RNF180: variants seen among roughly 807,000 people sequenced by gnomAD.
RNF180 encodes ring finger protein 180, also known as E3 ubiquitin-protein ligase RNF180.
RNF180 carries 38 observed loss-of-function variants against 59.2 expected under a neutral mutation model. That is an observed-to-expected ratio of 0.64 (90% CI 0.50 to 0.84). RNF180 has a LOEUF of 0.84. Ranked by LOEUF, RNF180 falls within the 40% of genes least tolerant of loss-of-function variation. The probability of loss-of-function intolerance (pLI) is 0.00; values close to 1 mark genes in which losing one functional copy is unlikely to be tolerated. For synonymous variants in RNF180, 262 were observed against 240.3 expected (o/e 1.09, Z -0.84); for missense variants, 705 against 700.9 (o/e 1.01, Z -0.07).
chr5:64,169,645 C>G (rs1000675911), intron 1 of RNF180, among the ~76,000 whole-genome samples: 1 of 152,140 alleles, frequency 6.6e-6, no homozygotes, highest in Admixed American at 6.5e-5. Flanking sequence ...AACCAAGTAG[C>G]CTGTTTAATT....
chr5:64,236,622 A>G (rs1226344034), intron 5 of RNF180, among the ~76,000 whole-genome samples: 2 of 152,168 alleles, frequency 1.3e-5, no homozygotes, highest in East Asian at 1.9e-4. Flanking sequence ...ACAATGAGGA[A>G]AATATCTCCA....
At chr5:64,306,629 G>T (rs1743475859) in intron 5 of RNF180, among the ~76,000 whole-genome samples, 1 of 151,710 alleles carries the variant, frequency 6.6e-6, no homozygotes, top group African/African-American at 2.4e-5. Context: ...ACACACCATG[G>T]AATGCTATGC....
chr5:64,209,734 T>TTTGTCAA (rs1752206163), intron 2 of RNF180, among the ~76,000 whole-genome samples: 1 of 152,110 alleles, frequency 6.6e-6, no homozygotes, highest in South Asian at 2.1e-4. Flanking sequence ...GATTACTTCA[T>TTTGTCAA]TTGTCAATTC....
At chr5:64,192,593 AC>A (rs1751214599) in intron 1 of RNF180, among the ~76,000 whole-genome samples, 1 of 151,866 alleles carries the variant, frequency 6.6e-6, no homozygotes, top group African/African-American at 2.4e-5. Flanking sequence ...AATCACTTGA[AC>A]CCAGGAAGCG....
At chr5:64,285,078 A>G (rs1438509387) in intron 5 of RNF180, among the ~76,000 whole-genome samples, 1 of 152,162 alleles carries the variant, frequency 6.6e-6, no homozygotes, top group Non-Finnish European at 1.5e-5. Flanking sequence ...GGAAGATTTC[A>G]CAGAACCAAG....
At chr5:64,341,233 A>G (rs576313905) in intron 7 of RNF180, among the ~76,000 whole-genome samples, 34 of 152,328 alleles carry the variant, frequency 2.2e-4, no homozygotes, top group African/African-American at 6.5e-4. Context: ...ACCTTGGCCC[A>G]GAGCTCACAA....
At chr5:64,337,972 G>A (rs1745202054) in intron 7 of RNF180, among the ~76,000 whole-genome samples, 1 of 152,134 alleles carries the variant, frequency 6.6e-6, no homozygotes, top group Non-Finnish European at 1.5e-5. Flanking sequence ...ACATACGTAT[G>A]CATGTGTCTT....
chr5:64,211,704 G>A (rs1752321642), intron 2 of RNF180, among the ~76,000 whole-genome samples: 2 of 152,142 alleles, frequency 1.3e-5, no homozygotes, highest in South Asian at 4.1e-4. Flanking sequence ...AATTCAGATA[G>A]AATAGAGATT....
At chr5:64,201,669 C>T (rs1226284724) in intron 2 of RNF180, among the ~76,000 whole-genome samples, 1 of 152,166 alleles carries the variant, frequency 6.6e-6, no homozygotes, top group Non-Finnish European at 1.5e-5. Context: ...ATGATGGTTT[C>T]CCTTCCACTT....
intron 5 of RNF180, among the ~76,000 whole-genome samples, chr5:64,245,094 A>G (rs377161824): frequency 6.6e-6 from 1 of 152,230 alleles, no homozygotes; most frequent in Non-Finnish European, 1.5e-5. Context: ...AGGAAGCACT[A>G]AATATCGAAT....
At chr5:64,267,491 A>G (rs982539589) in intron 5 of RNF180, among the ~76,000 whole-genome samples, 20 of 151,938 alleles carry the variant, frequency 1.3e-4, no homozygotes, top group African/African-American at 3.1e-4. Context: ...TCCCAATGCT[A>G]TCCCTCCCCA....
At chr5:64,245,898 G>A (rs1285374323) in intron 5 of RNF180, among the ~76,000 whole-genome samples, 1 of 152,070 alleles carries the variant, frequency 6.6e-6, no homozygotes, top group Non-Finnish European at 1.5e-5. Flanking sequence ...GCAAAATAAT[G>A]GAAATCATAA....
In RNF180 at chr5:64,360,366, C is replaced by G. The variant is rs566399961; in HGVS notation, c.1580-9249C>G. Among the ~76,000 whole-genome samples, 273 of 151,794 alleles carry G rather than the reference C, an allele frequency of 1.8e-3. 1 individual carries two copies. Among genetic ancestry groups the G allele is most frequent in the Non-Finnish European group, 3.2e-3 (217 of 67,804 alleles). On this transcript the variant is annotated intron_variant, in intron 7 of 7. Coordinates refer to ENST00000389100, the MANE Select transcript of RNF180 (RefSeq NM_001113561.2). ...AAAGCCTTTGACAAAATTCAACAAC[C>G]CTTCATGCTAAAAACTCTCAATAAA...
At chr5:64,244,455 A>G (rs1228430184) in intron 5 of RNF180, among the ~76,000 whole-genome samples, 2 of 152,218 alleles carry the variant, frequency 1.3e-5, no homozygotes, top group African/African-American at 2.4e-5. Context: ...ACAAGTATCA[A>G]TAGCCAAATC....
chr5:64,214,102 A>G lies in RNF180; in HGVS notation c.776A>G (p.Asn259Ser), dbSNP rs374465219. ...AAGACTACTGCCTATTCCAGACTAA[A>G]TGAAACACAGCCTATTGACCTTTCA... Reference protein sequence around the residue: ...HSKTTAYSRLNETQPIDLSGL... With the variant: ...HSKTTAYSRLSETQPIDLSGL... Residue 259 changes from asparagine to serine, a missense_variant, in exon 4 of 8, where the codon AAT (asparagine) becomes AGT (serine). Physicochemically the swap from Asn to Ser is conservative, Grantham distance 46 (BLOSUM62 1). Coordinates refer to ENST00000389100, the MANE Select transcript of RNF180 (RefSeq NM_001113561.2). The G allele has an allele frequency of 2.2e-5, 35 of 1,613,956 alleles. No homozygotes were observed. The highest frequency in any genetic ancestry group is 5.3e-5 in the African/African-American group (4 of 74,924).
chr5:64,279,028 T>C (rs1741867870), intron 5 of RNF180, among the ~76,000 whole-genome samples: 1 of 152,116 alleles, frequency 6.6e-6, no homozygotes, highest in Non-Finnish European at 1.5e-5. Flanking sequence ...GAAACCATAG[T>C]AATTAAAGAT....
intron 7 of RNF180, among the ~76,000 whole-genome samples, chr5:64,349,000 CCTT>C (rs1426614803): frequency 6.6e-6 from 1 of 152,026 alleles, no homozygotes; most frequent in African/African-American, 2.4e-5. Context: ...GTCATTTTCT[CCTT>C]AATTCCTTGT....
rs550465413 is a variant in RNF180 at position 64,341,867 on chromosome 5, G to T, written c.1579+11461G>T. Among the ~76,000 whole-genome samples the T allele has an allele frequency of 1.7e-3, 257 of 152,238 alleles. 1 individual carries two copies. The highest frequency in any genetic ancestry group is 2.8e-3 in the Non-Finnish European group (191 of 68,000). On this transcript the variant is annotated intron_variant, in intron 7 of 7. Coordinates refer to ENST00000389100, the MANE Select transcript of RNF180 (RefSeq NM_001113561.2). The stretch of plus-strand genomic sequence containing the variant: ...AAAAATGTTATGAAAAGTTATAGCA[G>T]ATCTGATCTATACAACATTTGAGAC...
At chr5:64,174,342 C>T (rs776085117) in intron 1 of RNF180, among the ~76,000 whole-genome samples, 1 of 152,186 alleles carries the variant, frequency 6.6e-6, no homozygotes, top group Non-Finnish European at 1.5e-5. Flanking sequence ...ATAGCTGGAT[C>T]ATGTTGAAGT....
Sources: gnomAD v4.1 joint callset for allele counts (sites outside exome capture counted in the v4.1 genomes callset) on GRCh38, gnomAD v4.1.1 for gene constraint, MANE v1.5 for transcripts, NCBI Gene and HGNC (gene_info 2026-07-23, HGNC 2026-07-21) for gene names.